CEP41: variants seen among roughly 807,000 people sequenced by gnomAD.
CEP41 encodes centrosomal protein 41, also known as centrosomal protein of 41 kDa.
Under a neutral mutation model 44.3 loss-of-function variants are expected in CEP41, and 32 were observed. That is an observed-to-expected ratio of 0.72 (90% CI 0.54 to 0.97). CEP41 has a LOEUF of 0.97. CEP41 is among the 50% of genes least tolerant of loss of function. The pLI is 0.00. For synonymous variants in CEP41, 151 were observed against 168.5 expected, an observed-to-expected ratio of 0.90 and a Z score of 0.80; for missense variants, 432 against 455.2, an observed-to-expected ratio of 0.95 and a Z score of 0.46.
intron 10 of CEP41, chr7:130,399,449 A>T: frequency 8.2e-6 from 2 of 244,196 alleles, no homozygotes; most frequent in East Asian, 2.0e-4. Context: ...AGGAATCGAA[A>T]ACTTTCCAAG....
At chr7:130,417,256 G>T in intron 2 of CEP41, 1 of 1,205,384 alleles carries the variant, frequency 8.3e-7, no homozygotes, top group Non-Finnish European at 1.0e-6. Context: ...CTATCAGTTT[G>T]TTTTTCAAGT....
intron 1 of CEP41, among the ~76,000 whole-genome samples, chr7:130,434,284 C>T (rs1797901164): frequency 6.6e-6 from 1 of 152,092 alleles, no homozygotes; most frequent in Admixed American, 6.5e-5. Context: ...ACCAATATTA[C>T]ATATGCTATG....
chr7:130,405,352 T>C (rs1464092388), intron 5 of CEP41, among the ~76,000 whole-genome samples: 2 of 152,224 alleles, frequency 1.3e-5, no homozygotes, highest in Non-Finnish European at 2.9e-5. Context: ...AAAACTATGG[T>C]TAGTTAGACT....
chr7:130,433,965 T>C (rs1554425661), intron 1 of CEP41, among the ~76,000 whole-genome samples: 4 of 152,166 alleles, frequency 2.6e-5, no homozygotes, highest in Admixed American at 6.5e-5. Context: ...TCAAAGGAGA[T>C]TGTTCATCCA....
chr7:130,421,697 T>C (rs1797514095), intron 2 of CEP41: 2 of 1,143,654 alleles, frequency 1.7e-6, no homozygotes, highest in African/African-American at 3.2e-5. Context: ...AAAGACTGAG[T>C]GGAGAAAGCC....
chr7:130,399,033 A>G lies in CEP41; in HGVS notation c.980T>C (p.Leu327Pro). 1 of 1,614,098 alleles carries G rather than the reference A, an allele frequency of 6.2e-7. No homozygotes were observed. The highest frequency in any genetic ancestry group is 1.1e-5 in the South Asian group (1 of 91,084). The change falls in exon 11 of 11, where the codon CTG becomes CCG. Residue 327 changes from leucine to proline, a missense_variant. Physicochemically the swap from Leu to Pro is moderately conservative, Grantham distance 98 (BLOSUM62 -3). Coordinates refer to ENST00000223208, the MANE Select transcript of CEP41 (RefSeq NM_018718.3). ...TCTTCCGGAGGAGTTAGCTTGGTTC[A>G]GTCGGCCTGAAGGGAGCAAGAAAGA... ...EQGPADHPSR[L>P]NQANSSGRES...
rs1554413540 is a variant in CEP41, at chr7:130,394,195, T to C, written c.*4696A>G. 2 of 453,990 alleles carry C rather than the reference T, an allele frequency of 4.4e-6. No individual in the cohort carries two copies. The highest frequency in any genetic ancestry group is 8.8e-6 in the Non-Finnish European group (2 of 226,758). The allele number at this position is 453,990 out of a possible 1,614,324, so 28.1% of individuals were successfully genotyped here. The stretch of plus-strand genomic sequence containing the variant: ...AGTGAGAAGCATAGAGCGGAGTGGC[T>C]GAAAGAACACCCTCTGGAGCCACAG... On this transcript the variant is annotated 3_prime_UTR_variant, in exon 11 of 11. Transcript: ENST00000223208.
chr7:130,401,971 A>G, intron 7 of CEP41, 23 bp from the exon 8 acceptor site: 1 of 1,560,840 alleles, frequency 6.4e-7, no homozygotes, highest in South Asian at 1.1e-5. Context: ...GAAAAAGTTT[A>G]GGAAGTCTGT....
intron 5 of CEP41, among the ~76,000 whole-genome samples, chr7:130,408,164 T>G (rs1373910468): frequency 6.6e-6 from 1 of 152,192 alleles, no homozygotes; most frequent in East Asian, 1.9e-4. Context: ...AAATAAAACA[T>G]TTACATGTGC....
intron 5 of CEP41, chr7:130,410,879 G>T: frequency 1.7e-6 from 1 of 572,288 alleles, no homozygotes. Flanking sequence ...AAAGTAATTA[G>T]TATATTAAAC....
intron 5 of CEP41, among the ~76,000 whole-genome samples, chr7:130,408,348 C>T (rs986327260): frequency 2.0e-5 from 3 of 151,950 alleles, no homozygotes; most frequent in Admixed American, 1.3e-4. Context: ...TATTGTTCTC[C>T]GTTGTACAAA....
At chr7:130,420,957 T>C (rs932903938) in intron 2 of CEP41, 2 of 983,404 alleles carry the variant, frequency 2.0e-6, no homozygotes, top group Non-Finnish European at 2.4e-6. Flanking sequence ...ATATACAGTA[T>C]ATGTTATGTG....
intron 1 of CEP41, among the ~76,000 whole-genome samples, chr7:130,435,459 G>A (rs576307957): frequency 6.6e-6 from 1 of 152,238 alleles, no homozygotes; most frequent in South Asian, 2.1e-4. Flanking sequence ...TACTGAAGAG[G>A]ATATATGGAT....
In CEP41 at chr7:130,397,814, A is replaced by C. The variant is rs782658840; in HGVS notation, c.*1077T>G. 16 of 444,186 alleles carry C rather than the reference A, an allele frequency of 3.6e-5. No individual in the cohort carries two copies. Among genetic ancestry groups the C allele is most frequent in the Non-Finnish European group, 6.8e-5 (15 of 219,102 alleles). 27.5% of individuals were successfully genotyped at this position (444,186 alleles called of 1,614,324 possible). ...GCAATTCAATTAATGCTGATTCAAA[A>C]TTCCGGCCAAAACCAGAATCTATAA... is the stretch of plus-strand genomic sequence containing the variant. On this transcript the variant is annotated 3_prime_UTR_variant, in exon 11 of 11. Transcript: ENST00000223208.
intron 10 of CEP41, chr7:130,399,576 G>A (rs1253763070): frequency 1.4e-5 from 3 of 217,404 alleles, no homozygotes; most frequent in African/African-American, 7.0e-5. Flanking sequence ...CTAGCACTTT[G>A]GAAGGCTGAG....
chr7:130,403,866 A>G (rs917111384), intron 6 of CEP41, among the ~76,000 whole-genome samples: 3 of 152,212 alleles, frequency 2.0e-5, no homozygotes, highest in Non-Finnish European at 4.4e-5. Context: ...TATAAAGCTA[A>G]AAGAATAATA....
intron 7 of CEP41, 85 bp from the exon 8 acceptor site, chr7:130,402,033 A>T (rs888942449): frequency 1.1e-4 from 97 of 894,798 alleles, no homozygotes; most frequent in Non-Finnish European, 1.8e-4. Flanking sequence ...AAAATCTAAG[A>T]GTTAAATACA....
chr7:130,397,859 G>T lies in CEP41; in HGVS notation c.*1032C>A, dbSNP rs1796715873. The T allele has an allele frequency of 2.2e-6, 1 of 451,366 alleles. No individual in the cohort carries two copies. Among genetic ancestry groups the T allele is most frequent in the Non-Finnish European group, 4.5e-6 (1 of 224,152 alleles). The allele number at this position is 451,366 out of a possible 1,614,324, so 28.0% of individuals were successfully genotyped here. A position where few individuals can be genotyped will look rare whatever the true frequency, so the allele number is the denominator to read the frequency against. On this transcript the variant is annotated 3_prime_UTR_variant, in exon 11 of 11. Coordinates refer to ENST00000223208, the MANE Select transcript of CEP41 (RefSeq NM_018718.3). ...CTATAATCACAACTTCCTAATCACAGTTCAGTCATGAGAATGAAAAGTAAG... is the reference window on the plus strand; with the variant it reads ...CTATAATCACAACTTCCTAATCACATTTCAGTCATGAGAATGAAAAGTAAG...
chr7:130,441,155 C>T, upstream of CEP41: 2 of 722,160 alleles, frequency 2.8e-6, no homozygotes, highest in Non-Finnish European at 4.9e-6. Flanking sequence ...CAAGACGCCG[C>T]TCAATGGTTG....
Sources: allele counts gnomAD v4.1 joint callset (sites outside exome capture counted in the v4.1 genomes callset), GRCh38; gene constraint gnomAD v4.1.1; transcripts MANE v1.5; gene names NCBI Gene and HGNC (gene_info 2026-07-23, HGNC 2026-07-21).